The following MACROD2 variants were observed in gnomAD, a reference collection of about 807,000 sequenced individuals.
MACROD2 encodes mono-ADP ribosylhydrolase 2, also known as ADP-ribose glycohydrolase MACROD2.
Under a neutral mutation model 70.4 loss-of-function variants are expected in MACROD2, and 36 were observed. That is an observed-to-expected ratio of 0.51 (90% CI 0.39 to 0.68). The LOEUF (loss-of-function observed/expected upper bound fraction) is 0.68. MACROD2 is among the 30% of genes least tolerant of loss of function. MACROD2 has a pLI of 0.00. For synonymous variants in MACROD2, 172 were observed against 178.8 expected, an observed-to-expected ratio of 0.96 and a Z score of 0.30; for missense variants, 496 against 538.4, an observed-to-expected ratio of 0.92 and a Z score of 0.78.
chr20:16,044,013 T>G (rs2067343295), intron 16 of MACROD2, among the ~76,000 whole-genome samples: 1 of 152,086 alleles, frequency 6.6e-6, no homozygotes, highest in African/African-American at 2.4e-5. Flanking sequence ...AGGCCTTTTT[T>G]GTGTTGCTAT....
chr20:14,264,666 G>A (rs969824546), intron 3 of MACROD2, among the ~76,000 whole-genome samples: 2 of 152,174 alleles, frequency 1.3e-5, no homozygotes, highest in Non-Finnish European at 2.9e-5. Flanking sequence ...TGGTGATTAA[G>A]AGAGTGCTAC....
rs77378761 is a variant in MACROD2, at chr20:15,016,702, G to C, written c.419-213238G>C. On this transcript the variant is annotated intron_variant, in intron 5 of 17. Coordinates refer to ENST00000684519, the MANE Select transcript of MACROD2 (RefSeq NM_001351661.2). ...CTGGGAACGAAGAAAGGTTGAATTG[G>C]ACTTACAGTTGCACATGACTGGGGA... is the stretch of plus-strand genomic sequence containing the variant. 6.3e-3 allele frequency among the ~76,000 whole-genome samples: 956 copies of C among 152,232 alleles called. 6 individuals are homozygous for C. Among genetic ancestry groups the C allele is most frequent in the African/African-American group, 0.021 (876 of 41,526 alleles).
chr20:14,677,034 A>C (rs2070870157), intron 4 of MACROD2, among the ~76,000 whole-genome samples: 1 of 152,134 alleles, frequency 6.6e-6, no homozygotes, highest in African/African-American at 2.4e-5. Context: ...TGATAGCTCT[A>C]CATTCATTAC....
chr20:15,694,069 T>C lies in MACROD2; in HGVS notation c.646-168676T>C, dbSNP rs1186980321. Among the ~76,000 whole-genome samples the C allele has an allele frequency of 2.6e-5, 4 of 152,236 alleles. No individual in the cohort carries two copies. In the East Asian group the frequency reaches 5.8e-4, roughly 22 times the overall value. On this transcript the variant is annotated intron_variant, in intron 8 of 17. Coordinates refer to ENST00000684519, the MANE Select transcript of MACROD2 (RefSeq NM_001351661.2). ...TTCATTCCTTTTTATGGCTGCATAGTATTCCATCATATATATATCTCACAG... is the reference window on the plus strand; with the variant it reads ...TTCATTCCTTTTTATGGCTGCATAGCATTCCATCATATATATATCTCACAG...
At chr20:15,800,240 T>A (rs1460700182) in intron 8 of MACROD2, among the ~76,000 whole-genome samples, 1 of 152,208 alleles carries the variant, frequency 6.6e-6, no homozygotes, top group Non-Finnish European at 1.5e-5. Context: ...AAGTTATCTC[T>A]TCACTTTGTT....
intron 5 of MACROD2, among the ~76,000 whole-genome samples, chr20:14,810,161 C>T (rs2122170571): frequency 6.6e-6 from 1 of 152,218 alleles, no homozygotes; most frequent in African/African-American, 2.4e-5. Flanking sequence ...GGCCAATATC[C>T]CTGATGAACT....
intron 5 of MACROD2, among the ~76,000 whole-genome samples, chr20:14,685,955 G>A (rs1304818493): frequency 1.3e-5 from 2 of 152,100 alleles, no homozygotes; most frequent in Non-Finnish European, 2.9e-5. Flanking sequence ...GGAGAATAGC[G>A]TGTTATATTT....
chr20:14,733,610 C>T (rs1303621195), intron 5 of MACROD2, among the ~76,000 whole-genome samples: 2 of 152,164 alleles, frequency 1.3e-5, no homozygotes, highest in Non-Finnish European at 2.9e-5. Context: ...TAAATCTACA[C>T]ACAGATAACT....
At chr20:14,108,804 A>G (rs1233134715) in intron 3 of MACROD2, among the ~76,000 whole-genome samples, 3 of 152,184 alleles carry the variant, frequency 2.0e-5, no homozygotes, top group Non-Finnish European at 2.9e-5. Flanking sequence ...ATATAACCCA[A>G]TACAATAATA....
chr20:16,044,926 C>G (rs2067359711), intron 17 of MACROD2, among the ~76,000 whole-genome samples: 1 of 152,128 alleles, frequency 6.6e-6, no homozygotes, highest in Admixed American at 6.6e-5. Flanking sequence ...CACCCCCTGG[C>G]CTCCTGGAGT....
intron 8 of MACROD2, among the ~76,000 whole-genome samples, chr20:15,668,660 T>A (rs1164426368): frequency 1.3e-5 from 2 of 152,198 alleles, no homozygotes; most frequent in East Asian, 3.8e-4. Context: ...CCATGTTTGG[T>A]CACCTGGTTT....
intron 8 of MACROD2, among the ~76,000 whole-genome samples, chr20:15,712,348 C>A (rs2050640961): frequency 6.6e-6 from 1 of 152,178 alleles, no homozygotes; most frequent in Admixed American, 6.5e-5. Flanking sequence ...GGCCGAATGA[C>A]CCTGGGTTTG....
At chr20:14,540,798 T>C in intron 4 of MACROD2, among the ~76,000 whole-genome samples, 1 of 152,184 alleles carries the variant, frequency 6.6e-6, no homozygotes, top group East Asian at 1.9e-4. Flanking sequence ...ACAGAGAGGT[T>C]CTTTAACTTT....
intron 3 of MACROD2, among the ~76,000 whole-genome samples, chr20:14,283,050 G>A (rs892916617): frequency 6.6e-6 from 1 of 152,184 alleles, no homozygotes; most frequent in Non-Finnish European, 1.5e-5. Context: ...AGTAGAAATA[G>A]ACCCTGCTTC....
At chr20:14,121,600 G>T (rs191263795) in intron 3 of MACROD2, among the ~76,000 whole-genome samples, 68 of 152,288 alleles carry the variant, frequency 4.5e-4, no homozygotes, top group Admixed American at 1.1e-3. Flanking sequence ...TAGATGAAAT[G>T]TGGATAGTAA....
At chr20:14,256,165 T>C (rs960304004) in intron 3 of MACROD2, among the ~76,000 whole-genome samples, 1 of 152,122 alleles carries the variant, frequency 6.6e-6, no homozygotes, top group Non-Finnish European at 1.5e-5. Flanking sequence ...TGCTATTCAG[T>C]TTTTAGCTGC....
intron 3 of MACROD2, among the ~76,000 whole-genome samples, chr20:14,125,299 A>G (rs2054634487): frequency 1.3e-5 from 2 of 152,204 alleles, no homozygotes; most frequent in African/African-American, 4.8e-5. Context: ...GGTTAACTTT[A>G]TGTTATATAA....
At chr20:15,628,716 T>G (rs2049243644) in intron 8 of MACROD2, among the ~76,000 whole-genome samples, 1 of 152,226 alleles carries the variant, frequency 6.6e-6, no homozygotes, top group Non-Finnish European at 1.5e-5. Context: ...CAAGATAGCT[T>G]CATTCCCAGG....
chr20:14,203,775 G>A (rs1601344336), intron 3 of MACROD2, among the ~76,000 whole-genome samples: 1 of 152,366 alleles, frequency 6.6e-6, no homozygotes, highest in African/African-American at 2.4e-5. Context: ...CATGGTGGCA[G>A]TCTGGGCATG....
Sources: allele counts gnomAD v4.1 joint callset (sites outside exome capture counted in the v4.1 genomes callset), GRCh38; gene constraint gnomAD v4.1.1; transcripts MANE v1.5; gene names NCBI Gene and HGNC (gene_info 2026-07-23, HGNC 2026-07-21).